Variants in KMT2C observed in about 807,000 individuals in gnomAD.
KMT2C encodes histone-lysine N-methyltransferase 2C.
A neutral mutation model predicts 507.9 loss-of-function variants in KMT2C; 88 were observed. The observed-to-expected ratio is 0.17, with a 90% CI of 0.15 to 0.21. The LOEUF (loss-of-function observed/expected upper bound fraction) is 0.21. Among genes scored for constraint, KMT2C ranks in the 10% least tolerant of loss-of-function variants. KMT2C has a pLI of 1.00. For missense variants in KMT2C, 4,954 were observed against 5,957.8 expected (o/e 0.83, Z 5.55); for synonymous variants, 2,049 against 2,080.8 (o/e 0.98, Z 0.42).
chr7:152,192,597 T>G (rs966181114), intron 31 of KMT2C, among the ~76,000 whole-genome samples: 7 of 151,894 alleles, frequency 4.6e-5, no homozygotes, highest in African/African-American at 7.2e-5. Context: ...AATAGTTATA[T>G]GATAAGTATA....
intron 1 of KMT2C, among the ~76,000 whole-genome samples, chr7:152,391,588 G>C (rs1386754495): frequency 6.7e-6 from 1 of 149,536 alleles, no homozygotes; most frequent in Non-Finnish European, 1.5e-5. Flanking sequence ...TGGCACACAG[G>C]CTGGAGTGCA....
intron 16 of KMT2C, among the ~76,000 whole-genome samples, chr7:152,234,818 A>G (rs2129154519): frequency 6.6e-6 from 1 of 152,168 alleles, no homozygotes; most frequent in East Asian, 1.9e-4. Context: ...TGGGAGGTCG[A>G]AGCTAGAGTT....
At chr7:152,393,643 GT>G (rs2097517854) in intron 1 of KMT2C, among the ~76,000 whole-genome samples, 1 of 152,176 alleles carries the variant, frequency 6.6e-6, no homozygotes, top group Non-Finnish European at 1.5e-5. Flanking sequence ...GCCGAGCGCG[GT>G]GGCTCATGCC....
chr7:152,433,756 T>A (rs1455327782), intron 1 of KMT2C, among the ~76,000 whole-genome samples: 1 of 152,260 alleles, frequency 6.6e-6, no homozygotes, highest in African/African-American at 2.4e-5. Flanking sequence ...ATTAAAATAA[T>A]AAAGTGGCAA....
At chr7:152,383,428 T>C (rs2097392104) in intron 1 of KMT2C, among the ~76,000 whole-genome samples, 1 of 152,234 alleles carries the variant, frequency 6.6e-6, no homozygotes, top group Non-Finnish European at 1.5e-5. Flanking sequence ...ATCAACTATG[T>C]TGGTGACTCT....
At chr7:152,381,822 T>C (rs1323530504) in intron 1 of KMT2C, among the ~76,000 whole-genome samples, 3 of 152,240 alleles carry the variant, frequency 2.0e-5, no homozygotes, top group East Asian at 1.9e-4. Flanking sequence ...GGGGTCCTTA[T>C]AGCAGTTAAT....
intron 1 of KMT2C, among the ~76,000 whole-genome samples, chr7:152,414,823 A>G (rs1589868589): frequency 6.6e-6 from 1 of 151,908 alleles, no homozygotes; most frequent in African/African-American, 2.4e-5. Flanking sequence ...AGGTAATGAA[A>G]TAAGTTAACT....
chr7:152,173,185 A>G (rs2129109964), intron 39 of KMT2C, among the ~76,000 whole-genome samples: 1 of 152,300 alleles, frequency 6.6e-6, no homozygotes, highest in East Asian at 1.9e-4. Context: ...GTATCTCAAC[A>G]ATTGAAAAGA....
intron 6 of KMT2C, among the ~76,000 whole-genome samples, chr7:152,278,799 A>T (rs2096141141): frequency 1.3e-5 from 2 of 152,308 alleles, no homozygotes. Flanking sequence ...AAGAAGCCAT[A>T]GTCATTAAAG....
chr7:152,272,955 T>A (rs11981776), intron 7 of KMT2C, among the ~76,000 whole-genome samples: 5,251 of 152,122 alleles, frequency 0.035, 231 homozygotes, highest in African/African-American at 0.097. Context: ...GAATAAAATA[T>A]CATGGAGGTT....
intron 2 of KMT2C, among the ~76,000 whole-genome samples, chr7:152,342,469 A>G (rs1410985546): frequency 6.6e-6 from 1 of 152,162 alleles, no homozygotes; most frequent in African/African-American, 2.4e-5. Context: ...TACATGTAAA[A>G]AGCTAAACTG....
intron 1 of KMT2C, among the ~76,000 whole-genome samples, chr7:152,380,020 C>G (rs1259564341): frequency 1.9e-4 from 28 of 150,332 alleles, no homozygotes; most frequent in East Asian, 8.2e-4. Flanking sequence ...ATTGCCTGAG[C>G]TCAGGAATTC....
At chr7:152,258,986 A>AT (rs1427248325) in intron 9 of KMT2C, among the ~76,000 whole-genome samples, 1 of 152,220 alleles carries the variant, frequency 6.6e-6, no homozygotes, top group East Asian at 1.9e-4. Context: ...GGAAAGTGGA[A>AT]TAATGTGTGC....
At chr7:152,411,070 T>A (rs2097678168) in intron 1 of KMT2C, among the ~76,000 whole-genome samples, 2 of 152,258 alleles carry the variant, frequency 1.3e-5, no homozygotes, top group Admixed American at 6.5e-5. Flanking sequence ...CACACACAAT[T>A]CTCTATAACT....
At chr7:152,185,654 A>C in intron 33 of KMT2C, 23 bp from the exon 34 acceptor site, 1 of 1,546,880 alleles carries the variant, frequency 6.5e-7, no homozygotes, top group Non-Finnish European at 8.9e-7. Context: ...AACAGAGTAT[A>C]ACACTTTCTC....
intron 31 of KMT2C, among the ~76,000 whole-genome samples, chr7:152,192,398 CG>C (rs1241669408): frequency 5.9e-5 from 9 of 151,958 alleles, no homozygotes; most frequent in African/African-American, 2.2e-4. Context: ...AAAAATTAGC[CG>C]GGCACAGTGG....
intron 42 of KMT2C, among the ~76,000 whole-genome samples, chr7:152,166,686 T>C (rs1237401718): frequency 1.3e-5 from 2 of 152,014 alleles, no homozygotes; most frequent in African/African-American, 2.4e-5. Context: ...AATAATAATA[T>C]CAACTCCAAG....
At chr7:152,149,351 G>A (rs536536725) in intron 51 of KMT2C, among the ~76,000 whole-genome samples, 199 bp from the exon 52 acceptor site, 39 of 152,288 alleles carry the variant, frequency 2.6e-4, no homozygotes, top group African/African-American at 9.4e-4. Flanking sequence ...GATAGAGAGC[G>A]GGTGATGGCA....
chr7:152,383,442 T>G (rs2097392279), intron 1 of KMT2C, among the ~76,000 whole-genome samples: 2 of 152,188 alleles, frequency 1.3e-5, no homozygotes, highest in Non-Finnish European at 2.9e-5. Flanking sequence ...TGACTCTCAC[T>G]TTGACATAGG....
Sources: gnomAD v4.1 joint callset for allele counts (sites outside exome capture counted in the v4.1 genomes callset) on GRCh38, gnomAD v4.1.1 for gene constraint, MANE v1.5 for transcripts, NCBI Gene and HGNC (gene_info 2026-07-23, HGNC 2026-07-21) for gene names.